FYB2: variants seen among roughly 807,000 people sequenced by gnomAD.
The protein encoded by FYB2 is FYN-binding protein 2.
A neutral mutation model predicts 94.1 loss-of-function variants in FYB2; 103 were observed. The ratio of observed to expected loss-of-function variants is 1.09; its 90% CI spans 0.93 to 1.29. The LOEUF is 1.29. Among genes scored for constraint, FYB2 ranks in the 50% most tolerant of loss-of-function variants. The pLI, the probability that FYB2 is intolerant of heterozygous loss-of-function variation, is 0.00. For synonymous variants in FYB2, 293 were observed against 287.9 expected (o/e 1.02, Z -0.18); for missense variants, 896 against 841.5 (o/e 1.06, Z -0.80).
At chr1:56,732,630 C>A (rs1040532435) in intron 15 of FYB2, among the ~76,000 whole-genome samples, 4 of 152,184 alleles carry the variant, frequency 2.6e-5, no homozygotes, top group African/African-American at 9.6e-5. Flanking sequence ...ATAAAACAGA[C>A]ACACAAACCA....
intron 10 of FYB2, 34 bp downstream of exon 10, chr1:56,744,118 A>G: frequency 1.2e-6 from 2 of 1,611,914 alleles, no homozygotes; most frequent in Non-Finnish European, 1.7e-6. Flanking sequence ...GTCTCATCAC[A>G]TTCATCTTGC....
chr1:56,723,365 AG>A (rs1644524116), intron 17 of FYB2, among the ~76,000 whole-genome samples: 1 of 151,992 alleles, frequency 6.6e-6, no homozygotes, highest in Admixed American at 6.6e-5. Context: ...AGAGCCTTCA[AG>A]AACAACTTAG....
chr1:56,818,107 C>T (rs1046746851), intron 1 of FYB2, among the ~76,000 whole-genome samples: 14 of 152,010 alleles, frequency 9.2e-5, no homozygotes, highest in African/African-American at 2.9e-4. Context: ...CTTACAAGCA[C>T]GCTAAATCTA....
intron 5 of FYB2, among the ~76,000 whole-genome samples, chr1:56,763,019 C>T (rs1447585735): frequency 6.6e-6 from 1 of 152,032 alleles, no homozygotes; most frequent in African/African-American, 2.4e-5. Flanking sequence ...CTTCTTTATC[C>T]TGCCAATATG....
intron 1 of FYB2, among the ~76,000 whole-genome samples, chr1:56,798,542 G>C (rs548764956): frequency 6.6e-6 from 1 of 152,124 alleles, no homozygotes; most frequent in Non-Finnish European, 1.5e-5. Flanking sequence ...CTCTTCAAGT[G>C]TGGCATTGTT....
intron 1 of FYB2, among the ~76,000 whole-genome samples, chr1:56,794,482 T>A (rs1474963714): frequency 2.0e-5 from 3 of 152,186 alleles, no homozygotes; most frequent in Admixed American, 6.5e-5. Flanking sequence ...TGGCAGTGAC[T>A]TTTGATTTTG....
At chr1:56,732,439 C>A (rs539341750) in intron 15 of FYB2, among the ~76,000 whole-genome samples, 139 of 152,228 alleles carry the variant, frequency 9.1e-4, no homozygotes, top group South Asian at 3.9e-3. Flanking sequence ...CAATCCCCAT[C>A]AAAATACCAA....
chr1:56,788,329 G>A (rs997988131), intron 3 of FYB2, among the ~76,000 whole-genome samples: 1 of 152,196 alleles, frequency 6.6e-6, no homozygotes, highest in Non-Finnish European at 1.5e-5. Context: ...GTCCCAAAGT[G>A]TATGTTCATC....
At chr1:56,793,273 GT>G (rs1396635990) in intron 1 of FYB2, among the ~76,000 whole-genome samples, 1 of 152,126 alleles carries the variant, frequency 6.6e-6, no homozygotes, top group Non-Finnish European at 1.5e-5. Context: ...AAACAGAACT[GT>G]TTACAATTTT....
intron 9 of FYB2, among the ~76,000 whole-genome samples, chr1:56,749,893 T>C (rs1645155065): frequency 6.6e-6 from 1 of 152,076 alleles, no homozygotes; most frequent in South Asian, 2.1e-4. Flanking sequence ...TCTTTATAAA[T>C]CAGTTCTGTG....
intron 5 of FYB2, among the ~76,000 whole-genome samples, chr1:56,764,379 A>G (rs942027770): frequency 1.3e-5 from 2 of 151,718 alleles, no homozygotes; most frequent in African/African-American, 2.4e-5. Flanking sequence ...ATCTTTTGTT[A>G]TAGTCTCACA....
chr1:56,753,389 C>T (rs746011260), intron 8 of FYB2, among the ~76,000 whole-genome samples: 15 of 152,034 alleles, frequency 9.9e-5, no homozygotes, highest in South Asian at 2.1e-4. Context: ...TCACCACAAA[C>T]GAGGTAGAAT....
At chr1:56,730,226 T>G (rs1357682996) in intron 15 of FYB2, among the ~76,000 whole-genome samples, 1 of 142,024 alleles carries the variant, frequency 7.0e-6, no homozygotes, top group Non-Finnish European at 1.5e-5. Context: ...AAAAGATCAA[T>G]GAAACAAAAA....
chr1:56,753,823 C>T lies in FYB2; in HGVS notation c.1227+16G>A, dbSNP rs577612508. 72 of 1,563,572 alleles carry T rather than the reference C, an allele frequency of 4.6e-5. 1 individual carries two copies. The Middle Eastern group carries it at 1.2e-3, about 25-fold the overall frequency. The stretch of plus-strand genomic sequence containing the variant: ...TGTTATATGTCTAAACTGCAGGAAC[C>T]GTAGAACATAGGTACCTTGAAAACA... On this transcript the variant is annotated intron_variant, in intron 8 of 19. Transcript: ENST00000343433.
chr1:56,744,398 T>C, intron 9 of FYB2, 132 bp from the exon 10 acceptor site: 2 of 658,230 alleles, frequency 3.0e-6, no homozygotes, highest in Non-Finnish European at 5.3e-6. Flanking sequence ...ATTACAGTCT[T>C]GGTATGTATG....
intron 1 of FYB2, 65 bp downstream of exon 1, chr1:56,819,217 G>A: frequency 6.2e-7 from 1 of 1,610,996 alleles, no homozygotes; most frequent in African/African-American, 1.3e-5. Flanking sequence ...GCTCTCAAGT[G>A]GGAGGAACTT....
chr1:56,739,192 A>G (rs1644896022), intron 13 of FYB2, among the ~76,000 whole-genome samples: 1 of 152,140 alleles, frequency 6.6e-6, no homozygotes, highest in Non-Finnish European at 1.5e-5. Context: ...GCCAATGAAT[A>G]GTTTTGAGAG....
chr1:56,722,858 G>C (rs1644511834), intron 17 of FYB2, among the ~76,000 whole-genome samples: 1 of 151,992 alleles, frequency 6.6e-6, no homozygotes, highest in South Asian at 2.1e-4. Context: ...ACTATGAGGA[G>C]GATGCACACT....
intron 5 of FYB2, among the ~76,000 whole-genome samples, chr1:56,760,803 G>A (rs970908568): frequency 6.6e-6 from 1 of 152,138 alleles, no homozygotes; most frequent in Non-Finnish European, 1.5e-5. Flanking sequence ...TCATAATGTT[G>A]TTACTGCTTT....
Sources: allele counts gnomAD v4.1 joint callset (sites outside exome capture counted in the v4.1 genomes callset), GRCh38; gene constraint gnomAD v4.1.1; transcripts MANE v1.5; gene names NCBI Gene and HGNC (gene_info 2026-07-23, HGNC 2026-07-21).